PARP16: variants seen among roughly 807,000 people sequenced by gnomAD.
The protein encoded by PARP16 is protein mono-ADP-ribosyltransferase PARP16.
Under a neutral mutation model 35.0 loss-of-function variants are expected in PARP16, and 31 were observed. That is an observed-to-expected ratio of 0.88 (90% CI 0.66 to 1.19). The LOEUF (loss-of-function observed/expected upper bound fraction) is 1.19, where lower values mean the gene tolerates loss of function less well. Among genes scored for constraint, PARP16 ranks in the 50% most tolerant of loss-of-function variants. The pLI is 0.00. For synonymous variants in PARP16, 162 were observed against 169.5 expected, an observed-to-expected ratio of 0.96 and a Z score of 0.34; for missense variants, 424 against 411.2, an observed-to-expected ratio of 1.03 and a Z score of -0.27.
intron 3 of PARP16, among the ~76,000 whole-genome samples, chr15:65,265,055 A>C (rs1326215685): frequency 6.6e-6 from 1 of 152,236 alleles, no homozygotes; most frequent in Non-Finnish European, 1.5e-5. Context: ...ACTGAGAGCC[A>C]GTGTAAACAA....
At chr15:65,239,605 A>G (rs138472605) in intron 3 of PARP16, among the ~76,000 whole-genome samples, 180 of 151,416 alleles carry the variant, frequency 1.2e-3, no homozygotes, top group Non-Finnish European at 2.2e-3. Flanking sequence ...TGCCATTACC[A>G]ACTAGTTTAC....
downstream of PARP16, among the ~76,000 whole-genome samples, chr15:65,255,235 C>T (rs1567016002): frequency 6.6e-6 from 1 of 151,764 alleles, no homozygotes; most frequent in Non-Finnish European, 1.5e-5. Flanking sequence ...AGAGGCCTCA[C>T]ACTATCCCCT....
chr15:65,240,891 G>A (rs2089056729), intron 3 of PARP16, among the ~76,000 whole-genome samples: 1 of 152,112 alleles, frequency 6.6e-6, no homozygotes. Flanking sequence ...GGAGTGCAGT[G>A]GTGCAATCTC....
intron 3 of PARP16, among the ~76,000 whole-genome samples, chr15:65,246,899 A>G (rs1258552394): frequency 1.3e-5 from 2 of 152,200 alleles, no homozygotes; most frequent in Non-Finnish European, 2.9e-5. Context: ...TACTGAACCC[A>G]ACATTTGTAA....
At chr15:65,262,508 G>C (rs754558018) in intron 4 of PARP16, among the ~76,000 whole-genome samples, 3 of 152,140 alleles carry the variant, frequency 2.0e-5, no homozygotes, top group African/African-American at 4.8e-5. Flanking sequence ...ACACAATGGT[G>C]GGGGGAGACA....
chr15:65,234,475 C>T (rs1338980297), exon 4 of PARP16: 3 of 152,238 alleles, frequency 2.0e-5, no homozygotes, highest in African/African-American at 7.2e-5. Flanking sequence ...TCAACCAGAC[C>T]TATCCACATT....
chr15:65,247,733 C>CA (rs2089246126), intron 3 of PARP16, among the ~76,000 whole-genome samples: 1 of 150,818 alleles, frequency 6.6e-6, no homozygotes, highest in Non-Finnish European at 1.5e-5. Flanking sequence ...TTCACACAGA[C>CA]AGACACACAG....
At chr15:65,241,475 G>C (rs559207780) in intron 3 of PARP16, among the ~76,000 whole-genome samples, 3 of 152,162 alleles carry the variant, frequency 2.0e-5, no homozygotes, top group East Asian at 1.9e-4. Flanking sequence ...CCTACCGCTA[G>C]TGTGGAACTG....
At chr15:65,244,545 C>G (rs2089159864) in intron 3 of PARP16, among the ~76,000 whole-genome samples, 1 of 152,156 alleles carries the variant, frequency 6.6e-6, no homozygotes, top group South Asian at 2.1e-4. Context: ...AAGACCCGCC[C>G]CCATGACTCA....
chr15:65,232,917 AAAC>A (rs1006426962), downstream of PARP16, among the ~76,000 whole-genome samples: 46 of 1,724 alleles, frequency 0.027, 1 homozygote, highest in South Asian at 0.12. Flanking sequence ...AAAACAAAAC[AAAC>A]AAAAAAAACA....
chr15:65,236,971 CAAA>C (rs1161870802), intron 3 of PARP16, among the ~76,000 whole-genome samples: 1 of 52,320 alleles, frequency 1.9e-5, no homozygotes, highest in Non-Finnish European at 4.2e-5. Context: ...GACTCTGTCT[CAAA>C]AAAAAAAAAA....
In PARP16 at chr15:65,266,989, C is replaced by G. The variant is rs374714121; in HGVS notation, c.313-221G>C. ...GGGTGTGGTGGCTCACACCTGTAAT[C>G]CCAAAACTTTGGGAGGCCGAGGCAG... is the stretch of plus-strand genomic sequence containing the variant. On this transcript the variant is annotated intron_variant, in intron 2 of 5. Transcript: ENST00000649807. 5.3e-3 allele frequency among the ~76,000 whole-genome samples: 804 copies of G among 152,206 alleles called. 7 individuals are homozygous for G. The highest frequency in any genetic ancestry group is 0.018 in the African/African-American group (760 of 41,520).
downstream of PARP16, among the ~76,000 whole-genome samples, chr15:65,232,052 G>C (rs541089811): frequency 1.3e-5 from 2 of 152,088 alleles, no homozygotes; most frequent in East Asian, 3.9e-4. Flanking sequence ...TGCTGTGCCA[G>C]TTTAGACTAC....
chr15:65,236,211 G>A (rs189631106), intron 3 of PARP16, among the ~76,000 whole-genome samples: 16 of 152,248 alleles, frequency 1.1e-4, no homozygotes, highest in Admixed American at 3.9e-4. Context: ...TCAAGCACTG[G>A]ACAAGGCACT....
chr15:65,284,072 T>C (rs770401810), intron 1 of PARP16, among the ~76,000 whole-genome samples: 5 of 152,106 alleles, frequency 3.3e-5, no homozygotes, highest in Admixed American at 6.6e-5. Context: ...CTAGGAATGA[T>C]AGCAAAGGAG....
intron 2 of PARP16, among the ~76,000 whole-genome samples, chr15:65,270,170 AG>A (rs2090047424): frequency 6.6e-6 from 1 of 152,340 alleles, no homozygotes; most frequent in South Asian, 2.1e-4. Flanking sequence ...GTATGGGTAA[AG>A]GAAGAGCACC....
At chr15:65,249,019 T>C (rs2089286976) in intron 2 of PARP16, among the ~76,000 whole-genome samples, 2 of 152,146 alleles carry the variant, frequency 1.3e-5, no homozygotes, top group South Asian at 4.1e-4. Flanking sequence ...ATAGCGCTTT[T>C]CCAGAAGCCT....
At chr15:65,236,320 T>A (rs1040687618) in intron 3 of PARP16, among the ~76,000 whole-genome samples, 1 of 152,242 alleles carries the variant, frequency 6.6e-6, no homozygotes, top group Non-Finnish European at 1.5e-5. Flanking sequence ...TACACAATTA[T>A]GAACTTTGAT....
downstream of PARP16, among the ~76,000 whole-genome samples, chr15:65,257,198 C>G (rs1175879991): frequency 6.6e-6 from 1 of 152,156 alleles, no homozygotes; most frequent in Non-Finnish European, 1.5e-5. Flanking sequence ...GGGCAGATCA[C>G]TTGAGGTCAG....
Sources: allele counts gnomAD v4.1 joint callset (sites outside exome capture counted in the v4.1 genomes callset), GRCh38; gene constraint gnomAD v4.1.1; transcripts MANE v1.5; gene names NCBI Gene and HGNC (gene_info 2026-07-23, HGNC 2026-07-21).